The following PLCB1 variants were observed in gnomAD, a reference collection of about 807,000 sequenced individuals.
PLCB1 encodes phospholipase C beta 1.
Under a neutral mutation model 161.8 loss-of-function variants are expected in PLCB1, and 46 were observed. The observed-to-expected ratio is 0.28, with a 90% confidence interval of 0.22 to 0.36. The LOEUF is 0.36. Ranked by LOEUF, PLCB1 falls within the 10% of genes least tolerant of loss-of-function variation. The pLI is 1.00. For missense variants in PLCB1, 1,016 were observed against 1,472.5 expected (o/e 0.69, Z 5.07); for synonymous variants, 517 against 503.7 (o/e 1.03, Z -0.35).
At chr20:8,284,997 AT>A in intron 2 of PLCB1, among the ~76,000 whole-genome samples, 1 of 151,338 alleles carries the variant, frequency 6.6e-6, no homozygotes, top group South Asian at 2.1e-4. Flanking sequence ...TCTAATAAAG[AT>A]TTTAATATTG....
At chr20:8,509,270 T>G (rs1374240610) in intron 3 of PLCB1, among the ~76,000 whole-genome samples, 1 of 152,118 alleles carries the variant, frequency 6.6e-6, no homozygotes, top group Non-Finnish European at 1.5e-5. Context: ...GGCTAGACAA[T>G]GGAAATAGTT....
chr20:8,499,692 A>G (rs544580892), intron 3 of PLCB1, among the ~76,000 whole-genome samples: 2 of 152,336 alleles, frequency 1.3e-5, no homozygotes, highest in South Asian at 4.1e-4. Context: ...CATTTGTAAT[A>G]AGTGAATAGG....
At chr20:8,166,220 C>A (rs886279032) in intron 2 of PLCB1, among the ~76,000 whole-genome samples, 1 of 152,108 alleles carries the variant, frequency 6.6e-6, no homozygotes, top group Non-Finnish European at 1.5e-5. Context: ...ACCAACTTTT[C>A]AATACATATC....
At chr20:8,273,167 C>T (rs980954696) in intron 2 of PLCB1, among the ~76,000 whole-genome samples, 8 of 152,136 alleles carry the variant, frequency 5.3e-5, no homozygotes, top group African/African-American at 1.7e-4. Flanking sequence ...AGATAATCAT[C>T]ATTAAAGCTG....
At chr20:8,230,771 C>T (rs1979985995) in intron 2 of PLCB1, among the ~76,000 whole-genome samples, 1 of 152,114 alleles carries the variant, frequency 6.6e-6, no homozygotes. Flanking sequence ...CTGAGTTGGA[C>T]AGTGTAGATA....
At chr20:8,878,438 C>T (rs1987852937) in intron 31 of PLCB1, among the ~76,000 whole-genome samples, 1 of 152,154 alleles carries the variant, frequency 6.6e-6, no homozygotes. Context: ...GTTGGAACAG[C>T]AGGGAAAGAA....
At chr20:8,865,540 G>A (rs897716961) in intron 31 of PLCB1, among the ~76,000 whole-genome samples, 3 of 152,134 alleles carry the variant, frequency 2.0e-5, no homozygotes, top group African/African-American at 4.8e-5. Context: ...AATATCAATG[G>A]CTTCATACAA....
At chr20:8,822,637 A>C (rs1022322939) in intron 31 of PLCB1, among the ~76,000 whole-genome samples, 30 of 152,224 alleles carry the variant, frequency 2.0e-4, no homozygotes, top group Non-Finnish European at 1.9e-4. Flanking sequence ...CGAGAAAGAA[A>C]AACTAAAAAG....
chr20:8,393,670 C>G (rs745515711), intron 3 of PLCB1, among the ~76,000 whole-genome samples: 67 of 152,218 alleles, frequency 4.4e-4, no homozygotes, highest in Non-Finnish European at 7.8e-4. Context: ...CTAAGGGTTC[C>G]TTTATTGCAG....
chr20:8,283,446 T>G (rs1269034321), intron 2 of PLCB1, among the ~76,000 whole-genome samples: 1 of 151,676 alleles, frequency 6.6e-6, no homozygotes, highest in Non-Finnish European at 1.5e-5. Context: ...AATTATACTA[T>G]ATATTATAAT....
Position 8,417,046 on chromosome 20 carries a change from C to CATAT in PLCB1, c.246+45597_246+45598insTATA, listed in dbSNP as rs1568667895. Reference sequence around the variant, plus strand: ...GTGTATACACACACACACACACACACACACACACATATATATATATATATA... The same window carrying CATAT: ...GTGTATACACACACACACACACACACATATACACACACATATATATATATATATA... On this transcript the variant is annotated intron_variant, in intron 3 of 31. Transcript: ENST00000338037. 9.1e-5 allele frequency among the ~76,000 whole-genome samples: 5 copies of CATAT among 55,208 alleles called. 1 individual carries two copies. Among genetic ancestry groups the CATAT allele is most frequent in the African/African-American group, 3.5e-4 (5 of 14,256 alleles). The allele number at this position is 55,208 out of a possible 152,430, so 36.2% of individuals were successfully genotyped here. A position where few individuals can be genotyped will look rare whatever the true frequency, so the allele number is the denominator to read the frequency against.
rs1982942817 is a variant in PLCB1 at position 8,491,463 on chromosome 20, CACTTTTCTGGGAACAAGTTCCAG to C, written c.246+120017_246+120039del. 5.3e-5 allele frequency among the ~76,000 whole-genome samples: 8 copies of C among 152,088 alleles called. 1 individual carries two copies. The highest frequency in any genetic ancestry group is 5.2e-4 in the Admixed American group (8 of 15,280). On this transcript the variant is annotated intron_variant, in intron 3 of 31. Coordinates refer to ENST00000338037, the MANE Select transcript of PLCB1 (RefSeq NM_015192.4). The stretch of plus-strand genomic sequence containing the variant: ...GACTCTAATGACTTTTACATTAGAC[CACTTTTCTGGGAACAAGTTCCAG>C]ACTGGAAAAGTGGTCTAATGTAAAC...
intron 3 of PLCB1, among the ~76,000 whole-genome samples, chr20:8,608,103 G>A (rs1324197141): frequency 6.6e-6 from 1 of 152,082 alleles, no homozygotes; most frequent in Non-Finnish European, 1.5e-5. Context: ...ATTACAGGAT[G>A]TGTAAAATGT....
intron 3 of PLCB1, among the ~76,000 whole-genome samples, chr20:8,570,952 T>C (rs986014399): frequency 2.0e-5 from 3 of 152,124 alleles, no homozygotes; most frequent in African/African-American, 7.2e-5. Context: ...AAAAGGGCTT[T>C]AAAGTCAAAG....
chr20:8,700,796 C>T (rs1438784042), intron 11 of PLCB1, among the ~76,000 whole-genome samples: 1 of 152,168 alleles, frequency 6.6e-6, no homozygotes, highest in African/African-American at 2.4e-5. Context: ...AATTCATCAT[C>T]CCAGTTGGTT....
chr20:8,817,731 A>G (rs1408626535), intron 31 of PLCB1, among the ~76,000 whole-genome samples: 1 of 152,160 alleles, frequency 6.6e-6, no homozygotes, highest in Non-Finnish European at 1.5e-5. Flanking sequence ...AATGAATACG[A>G]AGAAAGTCCA....
intron 3 of PLCB1, among the ~76,000 whole-genome samples, chr20:8,528,465 T>C (rs1005763658): frequency 1.3e-5 from 2 of 152,062 alleles, no homozygotes; most frequent in African/African-American, 4.8e-5. Flanking sequence ...ATTCCATTCA[T>C]ACGAGGTTCT....
At chr20:8,783,833 C>A (rs1983353175) in intron 27 of PLCB1, among the ~76,000 whole-genome samples, 1 of 152,222 alleles carries the variant, frequency 6.6e-6, no homozygotes, top group African/African-American at 2.4e-5. Flanking sequence ...TTGTTTGGGT[C>A]CCATGATGAC....
intron 2 of PLCB1, among the ~76,000 whole-genome samples, chr20:8,158,664 G>T (rs375209593): frequency 3.9e-5 from 6 of 152,100 alleles, no homozygotes; most frequent in African/African-American, 1.4e-4. Flanking sequence ...CTGTAAAATC[G>T]AAAGCTAGTT....
Sources: allele counts gnomAD v4.1 joint callset (sites outside exome capture counted in the v4.1 genomes callset), GRCh38; gene constraint gnomAD v4.1.1; transcripts MANE v1.5; gene names NCBI Gene and HGNC (gene_info 2026-07-23, HGNC 2026-07-21).